BPIFB1: variants seen among roughly 807,000 people sequenced by gnomAD.
BPIFB1 encodes BPI fold-containing family B member 1.
Under a neutral mutation model 55.1 loss-of-function variants are expected in BPIFB1, and 34 were observed. The observed-to-expected ratio is 0.62, with a 90% CI of 0.47 to 0.82. The LOEUF (loss-of-function observed/expected upper bound fraction) is 0.82. Ranked by LOEUF, BPIFB1 falls within the 40% of genes least tolerant of loss-of-function variation. The pLI, the probability that BPIFB1 is intolerant of heterozygous loss-of-function variation, is 0.00. For synonymous variants in BPIFB1, 236 were observed against 245.3 expected (o/e 0.96, Z 0.35); for missense variants, 532 against 593.1 (o/e 0.90, Z 1.07).
intron 13 of BPIFB1, 55 bp from the exon 14 acceptor site, chr20:33,305,947 G>A (rs1242879728): frequency 1.9e-6 from 3 of 1,587,642 alleles, no homozygotes; most frequent in South Asian, 2.2e-5. Context: ...AAGAATGATG[G>A]GGGGGAACTT....
At chr20:33,307,936 A>T (rs1981091120) in intron 15 of BPIFB1, 1 of 152,158 alleles carries the variant, frequency 6.6e-6, no homozygotes, top group South Asian at 2.1e-4. Context: ...AAAAGGAAAG[A>T]AAATAAATAC....
chr20:33,290,814 G>A (rs1481126086), intron 4 of BPIFB1, 143 bp from the exon 5 acceptor site: 18 of 840,734 alleles, frequency 2.1e-5, no homozygotes, highest in Non-Finnish European at 3.3e-5. Context: ...GGACATGCTG[G>A]GGTGAAGTTG....
chr20:33,302,879 A>T (rs1980897668), intron 10 of BPIFB1, 37 bp from the exon 11 acceptor site: 10 of 1,608,934 alleles, frequency 6.2e-6, no homozygotes, highest in Non-Finnish European at 8.5e-6. Flanking sequence ...CATGGTGGGC[A>T]CTTGGGAGGC....
chr20:33,290,943 C>A lies in BPIFB1; in HGVS notation c.366-14C>A, dbSNP rs1344817084. The stretch of plus-strand genomic sequence containing the variant: ...TGCCTGGTGCTCACATGGTCAGGTG[C>A]CTCCACCCGCTAGGCCCCTGGTCAA... On this transcript the variant is annotated splice_polypyrimidine_tract_variant and intron_variant, in intron 4 of 15. Transcript: ENST00000253354. 1.2e-6 allele frequency: 2 copies of A among 1,612,398 alleles called. No homozygotes were observed. The highest frequency in any genetic ancestry group is 1.7e-6 in the Non-Finnish European group (2 of 1,179,574).
At chr20:33,300,279 C>A (rs1377289834) in intron 8 of BPIFB1, among the ~76,000 whole-genome samples, 1 of 152,234 alleles carries the variant, frequency 6.6e-6, no homozygotes, top group Non-Finnish European at 1.5e-5. Context: ...AAACCTATGA[C>A]AACCTTGAAA....
chr20:33,305,037 T>G, intron 13 of BPIFB1, 146 bp downstream of exon 13: 2 of 827,706 alleles, frequency 2.4e-6, no homozygotes, highest in Non-Finnish European at 4.0e-6. Flanking sequence ...AAAGTCCAAC[T>G]TCCCTCGAGT....
intron 2 of BPIFB1, among the ~76,000 whole-genome samples, 159 bp downstream of exon 2, chr20:33,286,347 T>C (rs957913980): frequency 6.6e-6 from 1 of 151,804 alleles, no homozygotes; most frequent in African/African-American, 2.4e-5. Flanking sequence ...GTCTGGAGAG[T>C]CTGTGATCTC....
At chr20:33,300,036 T>TG in intron 8 of BPIFB1, 52 bp downstream of exon 8, 1 of 1,504,316 alleles carries the variant, frequency 6.6e-7, no homozygotes, top group Non-Finnish European at 9.3e-7. Context: ...TGCCCTTCTC[T>TG]GACCACCAGG....
chr20:33,290,837 G>A, intron 4 of BPIFB1, 120 bp from the exon 5 acceptor site: 3 of 1,123,426 alleles, frequency 2.7e-6, no homozygotes, highest in South Asian at 1.5e-5. Flanking sequence ...TGAAGATGAG[G>A]AGAAACCAGC....
chr20:33,304,049 G>C, intron 12 of BPIFB1, 24 bp downstream of exon 12: 1 of 1,598,404 alleles, frequency 6.3e-7, no homozygotes, highest in Non-Finnish European at 8.5e-7. Flanking sequence ...TCATCATGAA[G>C]ATTCTGCTGA....
rs6120220 is a variant in BPIFB1, at chr20:33,301,178, T to C, written c.748-55T>C. The C allele has an allele frequency of 0.012, 18,844 of 1,539,752 alleles. 1,784 individuals are homozygous for C. The African/African-American group carries it at 0.21, about 17-fold the overall frequency. Reference sequence around the variant, plus strand: ...GGTGTCATTTCCTTCTAGGTTGCTATTGGGTAAGCTGCAGAGTTAAAATTC... The same window carrying C: ...GGTGTCATTTCCTTCTAGGTTGCTACTGGGTAAGCTGCAGAGTTAAAATTC... On this transcript the variant is annotated intron_variant, in intron 8 of 15. Coordinates refer to ENST00000253354, the MANE Select transcript of BPIFB1 (RefSeq NM_033197.3).
At position 33,302,969 on chromosome 20, in the gene BPIFB1, TC is replaced by T; in HGVS notation, c.1038del (p.Glu347SerfsTer4). 1 of 1,614,092 alleles carries T rather than the reference TC, an allele frequency of 6.2e-7. No homozygotes were observed. Among genetic ancestry groups the T allele is most frequent in the Non-Finnish European group, 8.5e-7 (1 of 1,180,002 alleles). ...TCGTGAAGATCCTAACTCAGGACACTCCCGAGTTTTTTATAGACCAAGGCCA... is the reference window on the plus strand; with the variant it reads ...TCGTGAAGATCCTAACTCAGGACACTCCGAGTTTTTTATAGACCAAGGCCA... ...QIVKILTQDT[P>X]EFFIDQGHAK... On this transcript the variant is annotated frameshift_variant, in exon 11 of 16. Coordinates refer to ENST00000253354, the MANE Select transcript of BPIFB1 (RefSeq NM_033197.3). LOFTEE classifies it high-confidence loss of function.
In BPIFB1 at chr20:33,289,003, A is replaced by C. The variant is rs61469897; in HGVS notation, c.257+121A>C. 459 of 1,191,144 alleles carry C rather than the reference A, an allele frequency of 3.9e-4. 6 individuals are homozygous for C. The East Asian group carries it at 0.011, about 28-fold the overall frequency. 73.8% of individuals were successfully genotyped at this position (1,191,144 alleles called of 1,614,324 possible). A position where few individuals can be genotyped will look rare whatever the true frequency, so the allele number is the denominator to read the frequency against. ...ACTTGTGTCAGATCACAAAGAGTGG[A>C]TCAAACAAAGCCCCTCCGTCAAGAA... is the stretch of plus-strand genomic sequence containing the variant. On this transcript the variant is annotated intron_variant, in intron 3 of 15. Transcript: ENST00000253354.
intron 12 of BPIFB1, among the ~76,000 whole-genome samples, chr20:33,304,516 G>A (rs1205730386): frequency 6.6e-6 from 1 of 152,176 alleles, no homozygotes; most frequent in Non-Finnish European, 1.5e-5. Flanking sequence ...GCTGCCCTGT[G>A]CCCACAATCC....
intron 5 of BPIFB1, among the ~76,000 whole-genome samples, chr20:33,291,620 G>GCC (rs71338470): frequency 5.3e-5 from 8 of 152,066 alleles, no homozygotes; most frequent in Non-Finnish European, 1.0e-4. Flanking sequence ...AAAACATGGC[G>GCC]CCCCCCCTTC....
intron 7 of BPIFB1, chr20:33,298,566 A>G (rs1980729936): frequency 3.9e-5 from 6 of 153,306 alleles, no homozygotes; most frequent in Admixed American, 3.9e-4. Context: ...GTATAGGCAC[A>G]TCTCACTGAC....
chr20:33,285,853 T>C (rs1416798094), intron 1 of BPIFB1, among the ~76,000 whole-genome samples, 180 bp from the exon 2 acceptor site: 2 of 152,224 alleles, frequency 1.3e-5, no homozygotes, highest in Non-Finnish European at 1.5e-5. Context: ...TTATCCCCAT[T>C]TGTCTGATAA....
At chr20:33,304,749 T>A in intron 12 of BPIFB1, 97 bp from the exon 13 acceptor site, 1 of 1,443,030 alleles carries the variant, frequency 6.9e-7, no homozygotes, top group Non-Finnish European at 9.7e-7. Flanking sequence ...GCACTGTGCC[T>A]GGCACATAAT....
At chr20:33,296,482 G>A (rs1434355153) in intron 6 of BPIFB1, among the ~76,000 whole-genome samples, 2 of 152,204 alleles carry the variant, frequency 1.3e-5, no homozygotes, top group Admixed American at 6.5e-5. Context: ...TGAGTCAAAT[G>A]TTTGACCTTC....
Sources: gnomAD v4.1 joint callset for allele counts (sites outside exome capture counted in the v4.1 genomes callset) on GRCh38, gnomAD v4.1.1 for gene constraint, MANE v1.5 for transcripts, NCBI Gene and HGNC (gene_info 2026-07-23, HGNC 2026-07-21) for gene names.